WWOX: variants seen among roughly 807,000 people sequenced by gnomAD.
The protein encoded by WWOX is WW domain containing oxidoreductase.
Under a neutral mutation model 46.2 loss-of-function variants are expected in WWOX, and 69 were observed. The observed-to-expected ratio is 1.49, with a 90% CI of 1.23 to 1.82. The LOEUF (loss-of-function observed/expected upper bound fraction) is 1.82, where lower values mean the gene tolerates loss of function less well. Among genes scored for constraint, WWOX ranks in the 40% most tolerant of loss-of-function variants. The probability of loss-of-function intolerance (pLI) is 0.00; values close to 1 mark genes in which losing one functional copy is unlikely to be tolerated. For missense variants in WWOX, 919 were observed against 542.6 expected, an observed-to-expected ratio of 1.69 and a Z score of -6.89; for synonymous variants, 359 against 202.6, an observed-to-expected ratio of 1.77 and a Z score of -6.56.
intron 8 of WWOX, among the ~76,000 whole-genome samples, chr16:78,594,410 C>T (rs147182154): frequency 5.6e-5 from 7 of 125,372 alleles, no homozygotes; most frequent in African/African-American, 1.3e-4. Flanking sequence ...TGAGTCTTGA[C>T]GAAGAAGACT....
chr16:78,778,943 G>T (rs2050258717), intron 8 of WWOX, among the ~76,000 whole-genome samples: 1 of 152,014 alleles, frequency 6.6e-6, no homozygotes, highest in African/African-American at 2.4e-5. Flanking sequence ...TTCACCCCTT[G>T]GCAATAATCT....
chr16:78,679,417 G>T (rs561847418), intron 8 of WWOX, among the ~76,000 whole-genome samples: 2 of 152,262 alleles, frequency 1.3e-5, no homozygotes, highest in Non-Finnish European at 2.9e-5. Flanking sequence ...CAGGCATGGT[G>T]GTGTGGGCCT....
rs2051784215 is a variant in WWOX, at chr16:79,212,130, C to T, written c.*334C>T. 9 of 1,528,928 alleles carry T rather than the reference C, an allele frequency of 5.9e-6. No homozygotes were observed. Among genetic ancestry groups the T allele is most frequent in the Non-Finnish European group, 7.9e-6 (9 of 1,142,976 alleles). The allele number at this position is 1,528,928 out of a possible 1,614,324, so 94.7% of individuals were successfully genotyped here. On this transcript the variant is annotated 3_prime_UTR_variant, in exon 9 of 9. Coordinates refer to ENST00000566780, the MANE Select transcript of WWOX (RefSeq NM_016373.4). ...TCTTTCTTTTACTGTTATAGAATAG[C>T]CTGAGGTCCCCTCGTCCCATCCAGC...
intron 8 of WWOX, among the ~76,000 whole-genome samples, chr16:78,645,307 C>G (rs1370062635): frequency 6.6e-6 from 1 of 151,898 alleles, no homozygotes; most frequent in African/African-American, 2.4e-5. Flanking sequence ...GTGTTTTTTT[C>G]CTATCAATGC....
At chr16:78,718,166 GGC>G (rs1416592033) in intron 8 of WWOX, among the ~76,000 whole-genome samples, 9 of 149,886 alleles carry the variant, frequency 6.0e-5, no homozygotes, top group African/African-American at 7.5e-5. Context: ...TCTTTTTTAT[GGC>G]TGCCCAAGTT....
intron 8 of WWOX, among the ~76,000 whole-genome samples, chr16:78,433,284 C>T (rs1174534796): frequency 6.6e-6 from 1 of 151,956 alleles, no homozygotes; most frequent in African/African-American, 2.4e-5. Context: ...CTTTACTTTC[C>T]CAAAGACAAT....
rs78093694 is a variant in WWOX at position 78,607,105 on chromosome 16, C to G, written c.1056+174353C>G. The stretch of plus-strand genomic sequence containing the variant: ...AAGAGTTGCCAGAAATGGAATGATT[C>G]AGATTGGATGAAAAGTTGATTTTAT... On this transcript the variant is annotated intron_variant, in intron 8 of 8. Coordinates refer to ENST00000566780, the MANE Select transcript of WWOX (RefSeq NM_016373.4). Among the ~76,000 whole-genome samples the G allele has an allele frequency of 9.0e-3, 1,361 of 152,052 alleles. 9 individuals are homozygous for G. The highest frequency in any genetic ancestry group is 0.015 in the Non-Finnish European group (1,021 of 67,992).
At chr16:78,690,572 A>G (rs1359955172) in intron 8 of WWOX, among the ~76,000 whole-genome samples, 1 of 152,086 alleles carries the variant, frequency 6.6e-6, no homozygotes, top group African/African-American at 2.4e-5. Flanking sequence ...AAAGAAGAAG[A>G]AATGTTTATT....
At chr16:78,604,966 T>C (rs1160575101) in intron 8 of WWOX, among the ~76,000 whole-genome samples, 11 of 48,988 alleles carry the variant, frequency 2.2e-4, no homozygotes, top group Non-Finnish European at 4.0e-4. Context: ...CTTTCTTTCC[T>C]TCCTTTCTTT....
chr16:79,193,290 A>C (rs1283434638), intron 8 of WWOX, among the ~76,000 whole-genome samples: 1 of 152,228 alleles, frequency 6.6e-6, no homozygotes, highest in Non-Finnish European at 1.5e-5. Context: ...AGCACCTCTG[A>C]GGCTCACTGG....
chr16:78,728,581 A>G (rs1271707394), intron 8 of WWOX, among the ~76,000 whole-genome samples: 2 of 152,178 alleles, frequency 1.3e-5, no homozygotes, highest in South Asian at 2.1e-4. Flanking sequence ...TAAGTAGTCA[A>G]GTGACACCTT....
At chr16:78,513,131 C>A (rs887314263) in intron 8 of WWOX, among the ~76,000 whole-genome samples, 1 of 152,196 alleles carries the variant, frequency 6.6e-6, no homozygotes, top group Admixed American at 6.5e-5. Context: ...CTCCGTTGGT[C>A]ATGGCCCATT....
intron 8 of WWOX, among the ~76,000 whole-genome samples, chr16:78,563,490 AACACACACACAC>A (rs61298369): frequency 7.3e-6 from 1 of 137,878 alleles, no homozygotes; most frequent in East Asian, 2.1e-4. Flanking sequence ...CGTGTGGGTG[AACACACACACAC>A]ACACACACAC....
intron 6 of WWOX, among the ~76,000 whole-genome samples, chr16:78,421,749 T>A (rs897151485): frequency 6.6e-6 from 1 of 152,192 alleles, no homozygotes; most frequent in African/African-American, 2.4e-5. Context: ...GGCTAAAACT[T>A]GATCTGCTTT....
At chr16:79,187,294 A>T (rs570987731) in intron 8 of WWOX, among the ~76,000 whole-genome samples, 1 of 152,340 alleles carries the variant, frequency 6.6e-6, no homozygotes, top group African/African-American at 2.4e-5. Context: ...TATTATTACT[A>T]GAAAGAATAT....
intron 6 of WWOX, among the ~76,000 whole-genome samples, chr16:78,416,712 T>C (rs1184425196): frequency 6.6e-6 from 1 of 152,252 alleles, no homozygotes. Flanking sequence ...GTCTTAAAAT[T>C]AGGTAAACAC....
chr16:78,406,331 TATATATATATATATATATATA>T (rs2082539692), intron 6 of WWOX, among the ~76,000 whole-genome samples: 1 of 95,078 alleles, frequency 1.1e-5, no homozygotes. Context: ...TATATATATA[TATATATATATATATATATATA>T]TATTTTATTA....
chr16:78,387,093 T>C, intron 6 of WWOX, 145 bp downstream of exon 6: 4 of 783,424 alleles, frequency 5.1e-6, no homozygotes, highest in South Asian at 2.9e-5. Flanking sequence ...CCTGTTAAGG[T>C]GAACCGTATT....
At chr16:78,590,345 T>A (rs1290120281) in intron 8 of WWOX, among the ~76,000 whole-genome samples, 1 of 152,168 alleles carries the variant, frequency 6.6e-6, no homozygotes, top group Non-Finnish European at 1.5e-5. Flanking sequence ...GTGTTGAATA[T>A]TCTAAGAGGA....
Sources: gnomAD v4.1 joint callset for allele counts (sites outside exome capture counted in the v4.1 genomes callset) on GRCh38, gnomAD v4.1.1 for gene constraint, MANE v1.5 for transcripts, NCBI Gene and HGNC (gene_info 2026-07-23, HGNC 2026-07-21) for gene names.